Variants in USP12 observed in about 807,000 individuals in gnomAD.
The protein encoded by USP12 is ubiquitin carboxyl-terminal hydrolase 12.
USP12 carries 19 observed loss-of-function variants against 45.5 expected under a neutral mutation model. That is an observed-to-expected ratio of 0.42 (90% CI 0.29 to 0.61). USP12 has a LOEUF of 0.61. Among genes scored for constraint, USP12 ranks in the 20% least tolerant of loss-of-function variants. The pLI is 0.22. For missense variants in USP12, 242 were observed against 447.7 expected (o/e 0.54, Z 4.15); for synonymous variants, 149 against 148.8 (o/e 1.00, Z -0.01).
chr13:27,135,689 T>C (rs2137815046), intron 1 of USP12, among the ~76,000 whole-genome samples: 1 of 152,320 alleles, frequency 6.6e-6, no homozygotes, highest in South Asian at 2.1e-4. Context: ...CACTCCAGCC[T>C]GGGTGACAGA....
intron 3 of USP12, among the ~76,000 whole-genome samples, chr13:27,104,842 G>T (rs907907384): frequency 2.6e-5 from 4 of 152,124 alleles, no homozygotes; most frequent in African/African-American, 9.7e-5. Context: ...GCTTGTGAGC[G>T]TCTACTTAAT....
chr13:27,116,423 G>T, intron 2 of USP12, 93 bp downstream of exon 2: 6 of 1,052,568 alleles, frequency 5.7e-6, no homozygotes, highest in Non-Finnish European at 6.5e-6. Flanking sequence ...TAATAGAAAA[G>T]AACAATTTTC....
At chr13:27,085,967 A>T (rs1873991112) in intron 6 of USP12, among the ~76,000 whole-genome samples, 1 of 151,854 alleles carries the variant, frequency 6.6e-6, no homozygotes, top group Admixed American at 6.6e-5. Flanking sequence ...GGAGATCTAG[A>T]TGAGCCTAGG....
At chr13:27,163,220 TTAA>T (rs562763912) in intron 1 of USP12, among the ~76,000 whole-genome samples, 125 of 152,226 alleles carry the variant, frequency 8.2e-4, no homozygotes, top group African/African-American at 2.8e-3. Context: ...AACACACACT[TTAA>T]TAATCATTTT....
At chr13:27,112,456 T>A (rs1019642604) in intron 2 of USP12, among the ~76,000 whole-genome samples, 2 of 121,152 alleles carry the variant, frequency 1.7e-5, no homozygotes, top group African/African-American at 3.7e-5. Flanking sequence ...GCTCCCAGCA[T>A]TTTTTTTTTT....
chr13:27,098,771 C>T (rs886598659), intron 3 of USP12, among the ~76,000 whole-genome samples: 2 of 152,080 alleles, frequency 1.3e-5, no homozygotes, highest in Non-Finnish European at 2.9e-5. Context: ...TGAAAATATC[C>T]TAAATGTTTA....
intron 4 of USP12, among the ~76,000 whole-genome samples, chr13:27,091,783 T>C (rs1874327706): frequency 6.6e-6 from 1 of 152,148 alleles, no homozygotes; most frequent in Non-Finnish European, 1.5e-5. Flanking sequence ...GGAATGAGAC[T>C]GAAAAGGAAC....
chr13:27,098,687 C>T (rs983762297), intron 3 of USP12, among the ~76,000 whole-genome samples: 19 of 152,142 alleles, frequency 1.2e-4, no homozygotes, highest in African/African-American at 4.3e-4. Context: ...TCCCAGGTAT[C>T]GATGCCAGGT....
chr13:27,143,688 C>T (rs530514220), intron 1 of USP12, among the ~76,000 whole-genome samples: 5 of 152,208 alleles, frequency 3.3e-5, no homozygotes, highest in African/African-American at 1.2e-4. Flanking sequence ...CAACTGCCAT[C>T]ATGTTCCACA....
chr13:27,087,134 A>AGT (rs977370727), intron 6 of USP12, among the ~76,000 whole-genome samples: 5 of 147,850 alleles, frequency 3.4e-5, no homozygotes, highest in African/African-American at 7.5e-5. Flanking sequence ...CGTGTGTGAG[A>AGT]GTGTGTGTGT....
intron 1 of USP12, among the ~76,000 whole-genome samples, chr13:27,168,381 C>T (rs1878440613): frequency 6.6e-6 from 1 of 152,180 alleles, no homozygotes; most frequent in Admixed American, 6.5e-5. Context: ...GTAAGTAGTG[C>T]CAGCTCCAAA....
chr13:27,157,716 T>C (rs1017313755), intron 1 of USP12, among the ~76,000 whole-genome samples: 3 of 152,204 alleles, frequency 2.0e-5, no homozygotes, highest in Non-Finnish European at 2.9e-5. Context: ...CTTTGTCCTC[T>C]TCATTTTTCT....
intron 2 of USP12, among the ~76,000 whole-genome samples, chr13:27,107,827 A>T (rs1412719823): frequency 3.3e-5 from 5 of 152,160 alleles, no homozygotes; most frequent in Non-Finnish European, 7.3e-5. Context: ...TCAAAACCAC[A>T]ATGAGATACC....
rs553400532 is a variant in USP12, at chr13:27,156,123, C to A, written c.48+15469G>T. On this transcript the variant is annotated intron_variant, in intron 1 of 8. Coordinates refer to ENST00000282344, the MANE Select transcript of USP12 (RefSeq NM_182488.4). Reference sequence around the variant, plus strand: ...AGAAGAGTCATTCTGACAATGCCAGCCTCATCATTATAAAGAGACACGACA... The same window carrying A: ...AGAAGAGTCATTCTGACAATGCCAGACTCATCATTATAAAGAGACACGACA... Among the ~76,000 whole-genome samples, 6 of 151,968 alleles carry A rather than the reference C, an allele frequency of 3.9e-5. No homozygotes were observed. In the South Asian group the frequency reaches 1.2e-3, roughly 32 times the overall value.
At chr13:27,133,864 G>A (rs1876651561) in intron 1 of USP12, among the ~76,000 whole-genome samples, 1 of 152,204 alleles carries the variant, frequency 6.6e-6, no homozygotes, top group East Asian at 1.9e-4. Context: ...GGGAGTGGTG[G>A]CTTGTGCCTG....
chr13:27,130,087 C>G (rs879778355), intron 1 of USP12, among the ~76,000 whole-genome samples: 1 of 152,234 alleles, frequency 6.6e-6, no homozygotes, highest in Non-Finnish European at 1.5e-5. Flanking sequence ...CTATTCCCTA[C>G]TCCTCAGCAT....
At chr13:27,158,702 C>A (rs1255358027) in intron 1 of USP12, among the ~76,000 whole-genome samples, 2 of 152,188 alleles carry the variant, frequency 1.3e-5, no homozygotes, top group Non-Finnish European at 2.9e-5. Flanking sequence ...ATAATCCACA[C>A]ACAGTTTCTG....
At chr13:27,124,566 A>G (rs1298527602) in intron 1 of USP12, among the ~76,000 whole-genome samples, 1 of 152,238 alleles carries the variant, frequency 6.6e-6, no homozygotes, top group Admixed American at 6.5e-5. Flanking sequence ...TGCAGCATGT[A>G]TCATTTTAAG....
In USP12 at chr13:27,090,175, T is replaced by C. The variant is rs768135086; in HGVS notation, c.574-17A>G. 9.6e-6 allele frequency: 15 copies of C among 1,560,914 alleles called. No individual in the cohort carries two copies. The highest frequency in any genetic ancestry group is 1.2e-5 in the Non-Finnish European group (14 of 1,144,220). On this transcript the variant is annotated splice_polypyrimidine_tract_variant and intron_variant, in intron 4 of 8. Coordinates refer to ENST00000282344, the MANE Select transcript of USP12 (RefSeq NM_182488.4). ...GCTGCTTATCTGTAAAAACAGTGAA[T>C]TGTCTTTGATTTTTTCAAATACTAG...
Sources: allele counts gnomAD v4.1 joint callset (sites outside exome capture counted in the v4.1 genomes callset), GRCh38; gene constraint gnomAD v4.1.1; transcripts MANE v1.5; gene names NCBI Gene and HGNC (gene_info 2026-07-23, HGNC 2026-07-21).